Variants in PSME4 observed in about 807,000 individuals in gnomAD.
The protein encoded by PSME4 is proteasome activator complex subunit 4.
Under a neutral mutation model 253.9 loss-of-function variants are expected in PSME4, and 89 were observed. That is an observed-to-expected ratio of 0.35 (90% confidence interval 0.30 to 0.42). PSME4 has a LOEUF of 0.42. Among genes scored for constraint, PSME4 ranks in the 10% least tolerant of loss-of-function variants. The pLI is 1.00. For synonymous variants in PSME4, 851 were observed against 759.2 expected (o/e 1.12, Z -1.99); for missense variants, 2,014 against 2,195.2 (o/e 0.92, Z 1.65).
rs1421457288 is a variant in PSME4, at chr2:53,934,676, C to G, written c.886G>C (p.Val296Leu). The part of the protein sequence containing the change: ...SLNLPVGSSQ[V>L]LVPRFLTNAY... ...TTTGTTAAAAATCTTGGGACTAACACTTGACTGCTTCCCACTGGGAGGTTC... is the reference window on the plus strand; with the variant it reads ...TTTGTTAAAAATCTTGGGACTAACAGTTGACTGCTTCCCACTGGGAGGTTC... Residue 296 changes from valine (V) to leucine (L), a missense_variant, in exon 8 of 47, where the codon GTG (valine) becomes CTG (leucine). By Grantham distance (32) the Val-to-Leu change is conservative. This residue lies in a region of PSME4 where 615 missense variants were observed against 594.4 expected (regional missense o/e 1.03). Transcript: ENST00000404125. 1.9e-6 allele frequency: 3 copies of G among 1,608,138 alleles called. No homozygotes were observed. The highest frequency in any genetic ancestry group is 1.1e-5 in the South Asian group (1 of 90,926).
intron 3 of PSME4, among the ~76,000 whole-genome samples, chr2:53,944,427 T>A (rs2104472236): frequency 6.6e-6 from 1 of 152,330 alleles, no homozygotes; most frequent in Non-Finnish European, 1.5e-5. Context: ...CCCAAAGTGC[T>A]AGGATTACAG....
At chr2:53,934,522 AC>A in intron 8 of PSME4, 82 bp downstream of exon 8, 1 of 1,398,258 alleles carries the variant, frequency 7.2e-7, no homozygotes, top group Middle Eastern at 1.8e-4. Context: ...ACTATTATCA[AC>A]TTCTGCGACT....
chr2:53,900,434 A>G (rs762579544), intron 28 of PSME4, among the ~76,000 whole-genome samples: 4 of 151,792 alleles, frequency 2.6e-5, no homozygotes, highest in Non-Finnish European at 5.9e-5. Context: ...AGCTGGGTGT[A>G]GTGGTGCACA....
chr2:53,908,613 C>G, intron 22 of PSME4, 48 bp from the exon 23 acceptor site: 1 of 1,545,352 alleles, frequency 6.5e-7, no homozygotes. Flanking sequence ...TTTTGAACTA[C>G]TATAAGAATC....
At position 53,928,119 on chromosome 2, in the gene PSME4, T is replaced by C; in HGVS notation, c.1501A>G (p.Met501Val). Residue 501 changes from methionine (M) to valine (V), a missense_variant and splice_region_variant, in exon 11 of 47, where the codon ATG becomes GTG. Physicochemically the swap from Met to Val is conservative, Grantham distance 21. Transcript: ENST00000404125. The stretch of plus-strand genomic sequence containing the variant: ...TGTATAATCACCAATATACTCACCA[T>C]GCATTTACTAAAGTCATTTGGATCC... ...GVDPNDFSKC[M>V]ITFQFIATFS... 1 of 1,612,722 alleles carries C rather than the reference T, an allele frequency of 6.2e-7. No homozygotes were observed. The highest frequency in any genetic ancestry group is 8.5e-7 in the Non-Finnish European group (1 of 1,178,846).
intron 3 of PSME4, among the ~76,000 whole-genome samples, chr2:53,944,325 A>T (rs928520766): frequency 6.6e-6 from 1 of 151,948 alleles, no homozygotes; most frequent in South Asian, 2.1e-4. Flanking sequence ...CACCAGGCTA[A>T]TTTTTGTGTT....
chr2:53,935,119 C>T (rs541669108), intron 7 of PSME4, among the ~76,000 whole-genome samples: 2 of 152,208 alleles, frequency 1.3e-5, no homozygotes, highest in African/African-American at 2.4e-5. Context: ...CAAGCATGCA[C>T]AACAGCACCA....
chr2:53,899,121 G>A (rs1680273757), intron 29 of PSME4, among the ~76,000 whole-genome samples: 1 of 152,138 alleles, frequency 6.6e-6, no homozygotes, highest in South Asian at 2.1e-4. Context: ...CTGAACTGCA[G>A]GGGCACGATC....
intron 3 of PSME4, among the ~76,000 whole-genome samples, chr2:53,940,922 A>ATATAATACATATTTAAATATATG (rs1669374766): frequency 1.6e-5 from 2 of 128,384 alleles, no homozygotes; most frequent in Non-Finnish European, 3.2e-5. Flanking sequence ...ATTTAAATAT[A>ATATAATACATATTTAAATATATG]TATATAATAC....
intron 1 of PSME4, among the ~76,000 whole-genome samples, chr2:53,961,166 G>C (rs1670480983): frequency 6.6e-6 from 1 of 152,084 alleles, no homozygotes; most frequent in Non-Finnish European, 1.5e-5. Context: ...TCAACCTCAA[G>C]GTTCCAAATG....
chr2:53,960,905 C>T (rs934863749), intron 1 of PSME4, among the ~76,000 whole-genome samples: 7 of 151,984 alleles, frequency 4.6e-5, no homozygotes, highest in Admixed American at 2.0e-4. Flanking sequence ...GTGAGGAGTT[C>T]GAGACCAGCC....
chr2:53,942,812 C>A (rs145377620), intron 3 of PSME4, among the ~76,000 whole-genome samples: 1 of 152,120 alleles, frequency 6.6e-6, no homozygotes, highest in Non-Finnish European at 1.5e-5. Flanking sequence ...GAAATCACAT[C>A]AAAATAGGAA....
chr2:53,878,086 G>C (rs747968330), intron 41 of PSME4, among the ~76,000 whole-genome samples: 1 of 152,124 alleles, frequency 6.6e-6, no homozygotes, highest in Non-Finnish European at 1.5e-5. Flanking sequence ...CTTTCTACTG[G>C]CTGTTGCAGG....
In PSME4 at chr2:53,899,973, T is replaced by C. The variant is rs934154298; in HGVS notation, c.3330A>G (p.Ser1110=). The C allele has an allele frequency of 6.2e-7, 1 of 1,613,766 alleles. No homozygotes were observed. The highest frequency in any genetic ancestry group is 1.1e-5 in the South Asian group (1 of 91,058). Residue 1110 remains serine (S), a synonymous_variant, in exon 29 of 47, where the codon TCA becomes TCG. Coordinates refer to ENST00000404125, the MANE Select transcript of PSME4 (RefSeq NM_014614.3). ...CVEIAELLQQ[S]KNPSINQILL... is the part of the protein sequence containing the mutation. ...ATATCTGGTTGATAGAGGGGTTTTT[T>C]GACTGTTGAAGTAATTCCGCTATTT... is the stretch of plus-strand genomic sequence containing the variant.
intron 41 of PSME4, among the ~76,000 whole-genome samples, chr2:53,878,849 T>C (rs1679252460): frequency 6.6e-6 from 1 of 152,228 alleles, no homozygotes; most frequent in East Asian, 1.9e-4. Flanking sequence ...CCAGGTCCTA[T>C]GGTTCTGTGA....
In PSME4 at chr2:53,970,788, C is replaced by A. The variant is rs1671043658; in HGVS notation, c.-4G>T. On this transcript the variant is annotated 5_prime_UTR_variant, in exon 1 of 47. Coordinates refer to ENST00000404125, the MANE Select transcript of PSME4 (RefSeq NM_014614.3). ...CCGCCCGCTCGGCCGGCTCCATGAG[C>A]CCAGGGACACCCCCCCCACCCCCTC... 2 of 1,533,908 alleles carry A rather than the reference C, an allele frequency of 1.3e-6. No homozygotes were observed. Among genetic ancestry groups the A allele is most frequent in the East Asian group, 4.9e-5 (2 of 40,600 alleles).
chr2:53,954,428 C>T (rs1670139670), intron 1 of PSME4, among the ~76,000 whole-genome samples: 1 of 152,182 alleles, frequency 6.6e-6, no homozygotes, highest in Admixed American at 6.5e-5. Flanking sequence ...TCACTTGAAT[C>T]CAGGAGTTCA....
intron 3 of PSME4, among the ~76,000 whole-genome samples, chr2:53,944,280 T>C (rs1248461282): frequency 6.6e-6 from 1 of 152,134 alleles, no homozygotes; most frequent in Non-Finnish European, 1.5e-5. Flanking sequence ...TGCCTCAGCC[T>C]CCTGGGTAGC....
intron 43 of PSME4, 177 bp from the exon 44 acceptor site, chr2:53,869,715 G>A: frequency 2.3e-6 from 1 of 431,452 alleles, no homozygotes. Flanking sequence ...AGAGTTTGTG[G>A]CCTCATAATG....
Sources: allele counts gnomAD v4.1 joint callset (sites outside exome capture counted in the v4.1 genomes callset), GRCh38; gene constraint gnomAD v4.1.1; regional missense constraint gnomAD v4.1.1; transcripts MANE v1.5; gene names NCBI Gene and HGNC (gene_info 2026-07-23, HGNC 2026-07-21).